Variants in RPL18 observed in about 807,000 individuals in gnomAD.
The protein encoded by RPL18 is ribosomal protein L18.
RPL18 carries 4 observed loss-of-function variants against 25.0 expected under a neutral mutation model. The ratio of observed to expected loss-of-function variants is 0.16; its 90% CI spans 0.08 to 0.37. The LOEUF is 0.37. RPL18 is among the 10% of genes least tolerant of loss of function. The probability of loss-of-function intolerance (pLI) is 1.00; values close to 1 mark genes in which losing one functional copy is unlikely to be tolerated. For missense variants in RPL18, 179 were observed against 267.9 expected (o/e 0.67, Z 2.32); for synonymous variants, 129 against 101.6 (o/e 1.27, Z -1.62).
chr19:48,616,926 C>T (rs751721789), intron 3 of RPL18, 102 bp from the exon 4 acceptor site: 176 of 833,280 alleles, frequency 2.1e-4, no homozygotes, highest in Non-Finnish European at 3.6e-4. Flanking sequence ...CTAACGGGAC[C>T]CCCCACTCAC....
intron 1 of RPL18, 26 bp downstream of exon 1, chr19:48,619,115 C>A (rs759831089): frequency 1.1e-5 from 18 of 1,598,486 alleles, no homozygotes; most frequent in Non-Finnish European, 1.4e-5. Flanking sequence ...GATTATCCAG[C>A]CCCGAACGCC....
chr19:48,619,096 A>G, intron 1 of RPL18, 45 bp downstream of exon 1: 1 of 1,514,260 alleles, frequency 6.6e-7, no homozygotes, highest in Non-Finnish European at 8.9e-7. Flanking sequence ...ACCACGGCGG[A>G]TGGCAGCGGA....
In RPL18 at chr19:48,619,172, GAA is replaced by G; in HGVS notation, c.-31_-30del. The G allele has an allele frequency of 1.6e-6, 1 of 614,218 alleles. No homozygotes were observed. Among genetic ancestry groups the G allele is most frequent in the Non-Finnish European group, 2.9e-6 (1 of 349,666 alleles). 38.0% of individuals were successfully genotyped at this position (614,218 alleles called of 1,614,324 possible). A position where few individuals can be genotyped will look rare whatever the true frequency, so the allele number is the denominator to read the frequency against. On this transcript the variant is annotated 5_prime_UTR_variant, in exon 1 of 7. Transcript: ENST00000549920. Reference sequence around the variant, plus strand: ...GGCGCCTCCTGCTCGGCCAGGTCCGGAAAGAGAGAACGGGCTGGGGTGGGCGG... The same window carrying G: ...GGCGCCTCCTGCTCGGCCAGGTCCGGAGAGAGAACGGGCTGGGGTGGGCGG...
In RPL18 at chr19:48,615,919, C is replaced by T. The variant is rs373946681; in HGVS notation, c.449G>A (p.Arg150Gln). The T allele has an allele frequency of 1.2e-5, 20 of 1,613,640 alleles. No individual in the cohort carries two copies. The highest frequency in any genetic ancestry group is 4.0e-5 in the African/African-American group (3 of 74,904). Residue 150 changes from arginine (R) to glutamine (Q), a missense_variant, in exon 6 of 7, where the codon CGG (arginine) becomes CAG (glutamine). Arg to Gln is a conservative substitution (Grantham distance 43). Transcript: ENST00000549920. ...SGPRKGREVY[R>Q]HFGKAPGTPH... ...GGTTCCTGGGGCCTTGCCGAAATGC[C>T]GGTACACCTCTCGGCCCTTGCGAGG...
intron 1 of RPL18, chr19:48,618,919 T>C (rs925579731): frequency 3.5e-6 from 2 of 574,772 alleles, no homozygotes; most frequent in Non-Finnish European, 6.2e-6. Flanking sequence ...CCCAGTCATA[T>C]CAGCCTCCGA....
chr19:48,617,959 G>C (rs1213956713), intron 1 of RPL18, 82 bp from the exon 2 acceptor site: 2 of 1,104,290 alleles, frequency 1.8e-6, no homozygotes, highest in African/African-American at 3.1e-5. Flanking sequence ...CTGAGAGCTG[G>C]GACACAAGCC....
In RPL18 at chr19:48,618,262, A is replaced by C. The variant is rs1412206611; in HGVS notation, c.4-385T>G. 4 of 192,482 alleles carry C rather than the reference A, an allele frequency of 2.1e-5. No individual in the cohort carries two copies. The South Asian group carries it at 2.2e-4, about 11-fold the overall frequency. The allele number at this position is 192,482 out of a possible 1,614,324, so 11.9% of individuals were successfully genotyped here. A position where few individuals can be genotyped will look rare whatever the true frequency, so the allele number is the denominator to read the frequency against. On this transcript the variant is annotated intron_variant, in intron 1 of 6. Coordinates refer to ENST00000549920, the MANE Select transcript of RPL18 (RefSeq NM_000979.4). ...ACGAATCCTTATTCAGAACCTAGCA[A>C]TACTACTAGAACCACCTCTCCTACA...
chr19:48,618,998 C>T (rs1601145038), intron 1 of RPL18, 143 bp downstream of exon 1: 9 of 840,982 alleles, frequency 1.1e-5, no homozygotes, highest in Admixed American at 6.6e-5. Context: ...GCTTTCCTGG[C>T]CCCCAGAGTA....
At chr19:48,617,045 T>C (rs1378773537) in intron 3 of RPL18, 2 of 702,186 alleles carry the variant, frequency 2.8e-6, no homozygotes, top group Admixed American at 2.0e-5. Flanking sequence ...GCAGAGCCTT[T>C]GACATAAAAC....
chr19:48,617,232 A>G (rs1371701795), intron 3 of RPL18, 84 bp downstream of exon 3: 1 of 1,054,870 alleles, frequency 9.5e-7, no homozygotes, highest in Non-Finnish European at 1.5e-6. Context: ...GGTTGCTCCC[A>G]GAGCTCCAAG....
In RPL18 at chr19:48,616,219, G is replaced by C; in HGVS notation, c.298-17C>G. The C allele has an allele frequency of 1.2e-6, 2 of 1,612,752 alleles. No individual in the cohort carries two copies. Among genetic ancestry groups the C allele is most frequent in the South Asian group, 1.1e-5 (1 of 91,032 alleles). ...TGCACATACCTGGTGGAGAGGACAA[G>C]GCTGGCGGGTCAGACCCCTGCGTGG... On this transcript the variant is annotated splice_polypyrimidine_tract_variant and intron_variant, in intron 4 of 6. Transcript: ENST00000549920.
rs780751812 is a variant in RPL18 at position 48,615,413 on chromosome 19, G to A, written c.526C>T (p.Arg176Cys). Residue 176 changes from arginine to cysteine, a missense_variant, in exon 7 of 7, where the codon CGT becomes TGT. Physicochemically the swap from Arg to Cys is radical, Grantham distance 180. Coordinates refer to ENST00000549920, the MANE Select transcript of RPL18 (RefSeq NM_000979.4). ...YVRSKGRKFE[R>C]ARGRRASRGY... The stretch of plus-strand genomic sequence containing the variant: ...CGGCTGGCCCGTCGGCCTCTGGCAC[G>A]CTCGAACTTCCGGCCCTTGGAGCGG... 1.4e-5 allele frequency: 22 copies of A among 1,612,998 alleles called. No individual in the cohort carries two copies. Among genetic ancestry groups the A allele is most frequent in the African/African-American group, 1.1e-4 (8 of 74,912 alleles).
At position 48,619,131 on chromosome 19, in the gene RPL18, G is replaced by C. The variant is rs754357500; in HGVS notation, c.3+10C>G. ...ATTATCCAGCCCCGAACGCCGCAAA[G>C]CGAGCTCACCATGATGGCGCCTCCT... On this transcript the variant is annotated intron_variant, in intron 1 of 6. Coordinates refer to ENST00000549920, the MANE Select transcript of RPL18 (RefSeq NM_000979.4). The C allele has an allele frequency of 1.3e-6, 2 of 1,592,938 alleles. No homozygotes were observed. Among genetic ancestry groups the C allele is most frequent in the African/African-American group, 1.3e-5 (1 of 74,478 alleles).
intron 3 of RPL18, 55 bp from the exon 4 acceptor site, chr19:48,616,879 C>G: frequency 7.4e-7 from 1 of 1,350,568 alleles, no homozygotes; most frequent in Non-Finnish European, 1.1e-6. Flanking sequence ...CATTCAGCCC[C>G]GCTTGAGGCA....
chr19:48,616,425 C>CA (rs1266776856), intron 4 of RPL18: 1 of 643,072 alleles, frequency 1.6e-6, no homozygotes. Context: ...GAAGCTGGGC[C>CA]AAAAAAAGAC....
At chr19:48,618,788 A>T (rs1287158732) in intron 1 of RPL18, 11 of 321,790 alleles carry the variant, frequency 3.4e-5, no homozygotes. Context: ...ATCGAACCCG[A>T]CTTTTCATAC....
chr19:48,617,068 TG>T (rs1336852694), intron 3 of RPL18: 1 of 702,722 alleles, frequency 1.4e-6, no homozygotes, highest in Non-Finnish European at 2.6e-6. Flanking sequence ...AGTTATGACT[TG>T]GGGCAATCTC....
At chr19:48,616,227 G>A in intron 4 of RPL18, 25 bp from the exon 5 acceptor site, 2 of 1,611,868 alleles carry the variant, frequency 1.2e-6, no homozygotes, top group South Asian at 2.2e-5. Context: ...AAGGCTGGCG[G>A]GTCAGACCCC....
Position 48,616,799 on chromosome 19 carries a change from C to T in RPL18, c.224G>A (p.Arg75Gln), listed in dbSNP as rs1974189333. ...RMIRKMKLPG[R>Q]ENKTAVVVGT... Reference sequence around the variant, plus strand: ...CACAACCACGGCCGTCTTGTTTTCCCGGCCAGGAAGCTTCATCTTCCGGAT... The same window carrying T: ...CACAACCACGGCCGTCTTGTTTTCCTGGCCAGGAAGCTTCATCTTCCGGAT... The change falls in exon 4 of 7, where the codon CGG (arginine) becomes CAG (glutamine). Residue 75 changes from arginine (R) to glutamine (Q), a missense_variant. Physicochemically the swap from Arg to Gln is conservative, Grantham distance 43. Coordinates refer to ENST00000549920, the MANE Select transcript of RPL18 (RefSeq NM_000979.4). 9 of 1,613,740 alleles carry T rather than the reference C, an allele frequency of 5.6e-6. No homozygotes were observed. Among genetic ancestry groups the T allele is most frequent in the South Asian group, 3.3e-5 (3 of 91,070 alleles).
Sources: gnomAD v4.1 joint callset for allele counts on GRCh38, gnomAD v4.1.1 for gene constraint, MANE v1.5 for transcripts, NCBI Gene and HGNC (gene_info 2026-07-23, HGNC 2026-07-21) for gene names.